MED12L: variants seen among roughly 807,000 people sequenced by gnomAD.
MED12L encodes mediator complex subunit 12L.
A neutral mutation model predicts 281.3 loss-of-function variants in MED12L; 60 were observed. The observed-to-expected ratio is 0.21, with a 90% CI of 0.17 to 0.26. MED12L has a LOEUF of 0.26. Among genes scored for constraint, MED12L ranks in the 10% least tolerant of loss-of-function variants. MED12L has a pLI of 1.00. For missense variants in MED12L, 2,146 were observed against 2,680.9 expected (o/e 0.80, Z 4.41); for synonymous variants, 974 against 987.2 (o/e 0.99, Z 0.25).
intron 16 of MED12L, among the ~76,000 whole-genome samples, chr3:151,304,340 G>A (rs556546541): frequency 1.9e-4 from 29 of 152,222 alleles, no homozygotes; most frequent in East Asian, 1.4e-3. Flanking sequence ...CTGGGTGGCC[G>A]AGGCTGGTGG....
intron 5 of MED12L, among the ~76,000 whole-genome samples, chr3:151,140,785 T>C (rs1187019303): frequency 6.6e-6 from 1 of 152,154 alleles, no homozygotes; most frequent in East Asian, 1.9e-4. Flanking sequence ...GTTCAAGTCA[T>C]TCTCCTGCCT....
At chr3:151,213,328 G>A (rs756408940) in intron 16 of MED12L, 117 of 1,611,886 alleles carry the variant, frequency 7.3e-5, no homozygotes, top group Non-Finnish European at 9.4e-5. Context: ...TTCAAGTGTT[G>A]TATTTCCTCT....
chr3:151,274,951 C>T (rs1183980761), intron 16 of MED12L, among the ~76,000 whole-genome samples: 3 of 152,154 alleles, frequency 2.0e-5, no homozygotes, highest in African/African-American at 7.2e-5. Flanking sequence ...TTTCATTCAT[C>T]ATCTGTAGCA....
intron 16 of MED12L, among the ~76,000 whole-genome samples, chr3:151,261,892 T>G (rs1738985805): frequency 6.6e-6 from 1 of 151,808 alleles, no homozygotes; most frequent in Non-Finnish European, 1.5e-5. Context: ...GCCTGGCTAA[T>G]TTTTTTGTAT....
At chr3:151,300,625 T>G (rs560748806) in intron 16 of MED12L, among the ~76,000 whole-genome samples, 1 of 152,142 alleles carries the variant, frequency 6.6e-6, no homozygotes, top group African/African-American at 2.4e-5. Context: ...AATATGCTTA[T>G]AGGACAGTTT....
intron 43 of MED12L, among the ~76,000 whole-genome samples, chr3:151,429,195 T>C (rs1426296889): frequency 1.3e-5 from 2 of 152,142 alleles, no homozygotes; most frequent in African/African-American, 4.8e-5. Flanking sequence ...CAGAGACTCA[T>C]GGAGGAAAAT....
At chr3:151,139,404 G>T (rs1716603772) in intron 5 of MED12L, among the ~76,000 whole-genome samples, 1 of 152,176 alleles carries the variant, frequency 6.6e-6, no homozygotes, top group East Asian at 1.9e-4. Flanking sequence ...CCTCTCAGTT[G>T]ACAGATTAAG....
chr3:151,405,457 C>T (rs1476295893), intron 39 of MED12L, among the ~76,000 whole-genome samples: 2 of 152,292 alleles, frequency 1.3e-5, no homozygotes, highest in East Asian at 3.9e-4. Context: ...CCTGCCTAGA[C>T]ACAAATATGC....
chr3:151,247,228 G>A (rs373139058), intron 16 of MED12L, among the ~76,000 whole-genome samples: 16 of 151,852 alleles, frequency 1.1e-4, no homozygotes, highest in East Asian at 1.9e-4. Flanking sequence ...ATCTAGAACT[G>A]GAAATACCAT....
chr3:151,322,151 G>A (rs150515051), intron 16 of MED12L, among the ~76,000 whole-genome samples: 537 of 152,202 alleles, frequency 3.5e-3, no homozygotes, highest in African/African-American at 0.012. Context: ...AGAAATCCCT[G>A]GGAAAAGCCT....
intron 16 of MED12L, among the ~76,000 whole-genome samples, chr3:151,320,094 CT>C (rs1352552106): frequency 6.6e-6 from 1 of 152,128 alleles, no homozygotes; most frequent in Non-Finnish European, 1.5e-5. Context: ...TGGCATATGA[CT>C]TTTTCCTCCC....
intron 16 of MED12L, among the ~76,000 whole-genome samples, chr3:151,291,581 T>A (rs1221137058): frequency 1.3e-5 from 2 of 152,184 alleles, no homozygotes; most frequent in African/African-American, 4.8e-5. Context: ...AAATACTGAA[T>A]GTAATCCAAA....
At chr3:151,268,253 TTATA>T (rs10645730) in intron 16 of MED12L, among the ~76,000 whole-genome samples, 3 of 151,226 alleles carry the variant, frequency 2.0e-5, no homozygotes, top group Admixed American at 1.3e-4. Context: ...CATTTATTAC[TTATA>T]TATATATATA....
At chr3:151,185,694 T>G (rs1723176019) in intron 12 of MED12L, among the ~76,000 whole-genome samples, 1 of 152,104 alleles carries the variant, frequency 6.6e-6, no homozygotes, top group Non-Finnish European at 1.5e-5. Context: ...AACTTTAGGC[T>G]GGGCACAATG....
chr3:151,342,412 A>G (rs982690825), intron 16 of MED12L, among the ~76,000 whole-genome samples: 1 of 152,160 alleles, frequency 6.6e-6, no homozygotes, highest in African/African-American at 2.4e-5. Context: ...TTTACATGTT[A>G]AATATCTTCA....
chr3:151,299,029 C>T (rs1427888260), intron 16 of MED12L, among the ~76,000 whole-genome samples: 3 of 152,134 alleles, frequency 2.0e-5, no homozygotes, highest in Admixed American at 6.5e-5. Context: ...AAATGCTTTG[C>T]AAACATTTTG....
Position 151,368,145 on chromosome 3 carries a change from C to T in MED12L, c.3449-5C>T, listed in dbSNP as rs748450749. On this transcript the variant is annotated splice_region_variant and splice_polypyrimidine_tract_variant and intron_variant, in intron 24 of 44. Coordinates refer to ENST00000687756, the MANE Select transcript of MED12L (RefSeq NM_001393769.1). ...AAACTTGCTTTTCCAATCCCCCTTT[C>T]CTAGCTTGTGGGGATGCGGACGCCG... The T allele has an allele frequency of 6.2e-7, 1 of 1,613,144 alleles. No individual in the cohort carries two copies. Among genetic ancestry groups the T allele is most frequent in the Non-Finnish European group, 8.5e-7 (1 of 1,179,240 alleles).
rs184212480 is a variant in MED12L, at chr3:151,294,346, A to C, written c.2251-55713A>C. On this transcript the variant is annotated intron_variant, in intron 16 of 44. Coordinates refer to ENST00000687756, the MANE Select transcript of MED12L (RefSeq NM_001393769.1). ...GGCAAACATTACACGCAGACAAGAAAAGTGTAATTTCTTTGCAGTAATATA... is the reference window on the plus strand; with the variant it reads ...GGCAAACATTACACGCAGACAAGAACAGTGTAATTTCTTTGCAGTAATATA... The C allele has an allele frequency of 1.2e-5, 19 of 1,614,124 alleles. No individual in the cohort carries two copies. The Admixed American group carries it at 3.2e-4, about 27-fold the overall frequency.
chr3:151,436,596 T>C lies in MED12L; in HGVS notation c.*3792T>C. 1.2e-6 allele frequency: 1 copy of C among 845,606 alleles called. No homozygotes were observed. The highest frequency in any genetic ancestry group is 1.9e-6 in the Non-Finnish European group (1 of 533,010). 52.4% of individuals were successfully genotyped at this position (845,606 alleles called of 1,614,324 possible). The stretch of plus-strand genomic sequence containing the variant: ...TTGTAAATTTAATACTGTAAATGTA[T>C]TCAAATTCATTTACATGCCTATGGC... On this transcript the variant is annotated 3_prime_UTR_variant, in exon 45 of 45. Transcript: ENST00000687756.
Sources: allele counts gnomAD v4.1 joint callset (sites outside exome capture counted in the v4.1 genomes callset), GRCh38; gene constraint gnomAD v4.1.1; transcripts MANE v1.5; gene names NCBI Gene and HGNC (gene_info 2026-07-23, HGNC 2026-07-21).